The following PKNOX2 variants were observed in gnomAD, a reference collection of about 807,000 sequenced individuals.
PKNOX2 encodes homeobox protein PKNOX2.
A neutral mutation model predicts 53.1 loss-of-function variants in PKNOX2; 14 were observed. The ratio of observed to expected loss-of-function variants is 0.26; its 90% CI spans 0.17 to 0.41. The LOEUF is 0.41. Ranked by LOEUF, PKNOX2 falls within the 10% of genes least tolerant of loss-of-function variation. The probability of loss-of-function intolerance (pLI) is 1.00; values close to 1 mark genes in which losing one functional copy is unlikely to be tolerated. For missense variants in PKNOX2, 496 were observed against 602.8 expected (o/e 0.82, Z 1.85); for synonymous variants, 257 against 242.8 (o/e 1.06, Z -0.54).
chr11:125,326,254 C>T lies in PKNOX2; in HGVS notation c.-129-5565C>T, dbSNP rs553120076. Among the ~76,000 whole-genome samples the T allele has an allele frequency of 5.3e-5, 8 of 152,302 alleles. No homozygotes were observed. The East Asian group carries it at 9.6e-4, about 18-fold the overall frequency. The stretch of plus-strand genomic sequence containing the variant: ...AGGAGGGCAAGAGGCTGAGTTCATT[C>T]GGCTGCAGAAAGGCAGGACTTGAGC... On this transcript the variant is annotated intron_variant, in intron 2 of 12. Transcript: ENST00000298282.
At chr11:125,254,494 C>T (rs929701717) in intron 2 of PKNOX2, among the ~76,000 whole-genome samples, 1 of 152,238 alleles carries the variant, frequency 6.6e-6, no homozygotes, top group East Asian at 1.9e-4. Context: ...CACTAAATGG[C>T]TGTGTGACCT....
chr11:125,254,836 T>C (rs1443290532), intron 2 of PKNOX2, among the ~76,000 whole-genome samples: 1 of 152,096 alleles, frequency 6.6e-6, no homozygotes, highest in Non-Finnish European at 1.5e-5. Flanking sequence ...CCCAAGGGGC[T>C]CTTGGAAACA....
chr11:125,167,872 T>C (rs755792027), intron 1 of PKNOX2, among the ~76,000 whole-genome samples: 26 of 152,150 alleles, frequency 1.7e-4, no homozygotes, highest in Non-Finnish European at 3.4e-4. Context: ...CATGTGACAA[T>C]GAGAATTAAT....
chr11:125,262,348 C>T (rs1016095326), intron 2 of PKNOX2, among the ~76,000 whole-genome samples: 2 of 152,082 alleles, frequency 1.3e-5, no homozygotes, highest in Admixed American at 1.3e-4. Flanking sequence ...GGCAGCCACG[C>T]GTGAGGATGG....
Position 125,378,416 on chromosome 11 carries a change from T to G in PKNOX2, c.228-7135T>G, listed in dbSNP as rs528548115. On this transcript the variant is annotated intron_variant, in intron 5 of 12. Transcript: ENST00000298282. ...CTTGTTCTCCCATGCCTTCCACCTC[T>G]GGATCATCCATCCTTGGCCCAACAG... 1.1e-3 allele frequency among the ~76,000 whole-genome samples: 174 copies of G among 152,328 alleles called. 1 individual carries two copies. Among genetic ancestry groups the G allele is most frequent in the African/African-American group, 4.0e-3 (166 of 41,578 alleles).
rs181637661 is a variant in PKNOX2, at chr11:125,252,889, C to A, written c.-130+17774C>A. Among the ~76,000 whole-genome samples the A allele has an allele frequency of 5.6e-4, 85 of 152,276 alleles. 2 individuals carry two copies. Among genetic ancestry groups the A allele is most frequent in the African/African-American group, 2.0e-3 (84 of 41,568 alleles). The stretch of plus-strand genomic sequence containing the variant: ...GCATCTGTCGAGTTCTTAAAAGCAC[C>A]TGGATGCTGTGAGCTGTCAGCTGAG... On this transcript the variant is annotated intron_variant, in intron 2 of 12. Transcript: ENST00000298282.
At chr11:125,377,227 G>A (rs1565510542) in intron 5 of PKNOX2, among the ~76,000 whole-genome samples, 1 of 152,222 alleles carries the variant, frequency 6.6e-6, no homozygotes, top group East Asian at 1.9e-4. Context: ...AGAGGACACT[G>A]AGGCTCCAAA....
intron 1 of PKNOX2, among the ~76,000 whole-genome samples, chr11:125,184,754 G>C (rs143789220): frequency 9.2e-5 from 14 of 152,126 alleles, no homozygotes; most frequent in Non-Finnish European, 1.5e-4. Context: ...GCCTTGTGTC[G>C]GAGGCTGGCT....
intron 6 of PKNOX2, among the ~76,000 whole-genome samples, chr11:125,389,842 A>G (rs2135407714): frequency 6.6e-6 from 1 of 152,200 alleles, no homozygotes; most frequent in Middle Eastern, 3.4e-3. Context: ...TTTTAATGAG[A>G]CTCTGGTGTG....
At chr11:125,278,674 G>A (rs1176068564) in intron 2 of PKNOX2, among the ~76,000 whole-genome samples, 1 of 152,172 alleles carries the variant, frequency 6.6e-6, no homozygotes, top group Non-Finnish European at 1.5e-5. Flanking sequence ...AGTGAATATC[G>A]GGGTGGTGGA....
chr11:125,282,550 G>A (rs1045323792), intron 2 of PKNOX2, among the ~76,000 whole-genome samples: 4 of 152,136 alleles, frequency 2.6e-5, no homozygotes, highest in African/African-American at 7.2e-5. Flanking sequence ...TTTGCATTTC[G>A]AACACGTTCC....
At chr11:125,170,928 A>G (rs1183408052) in intron 1 of PKNOX2, among the ~76,000 whole-genome samples, 3 of 144,900 alleles carry the variant, frequency 2.1e-5, no homozygotes, top group African/African-American at 7.8e-5. Context: ...GGCCAATTTG[A>G]GTACGGCTCA....
chr11:125,367,192 T>G (rs1031810707), intron 4 of PKNOX2, among the ~76,000 whole-genome samples: 19 of 152,270 alleles, frequency 1.2e-4, no homozygotes, highest in African/African-American at 4.6e-4. Context: ...GGAGTTGCTC[T>G]GGTTGGTACA....
At chr11:125,255,287 C>T (rs1205628409) in intron 2 of PKNOX2, among the ~76,000 whole-genome samples, 2 of 152,176 alleles carry the variant, frequency 1.3e-5, no homozygotes, top group Admixed American at 1.3e-4. Flanking sequence ...CATCTCCAGA[C>T]CCCAGGAGCA....
At chr11:125,391,023 T>C (rs1954019387) in intron 6 of PKNOX2, among the ~76,000 whole-genome samples, 1 of 152,242 alleles carries the variant, frequency 6.6e-6, no homozygotes. Flanking sequence ...GCAGGCACAG[T>C]GACCCACAGG....
At chr11:125,373,060 C>T (rs758142031) in intron 5 of PKNOX2, among the ~76,000 whole-genome samples, 29 of 152,190 alleles carry the variant, frequency 1.9e-4, no homozygotes, top group Non-Finnish European at 3.2e-4. Flanking sequence ...CGGAAGTTCC[C>T]GGCATGATCC....
chr11:125,418,564 G>A (rs1956011010), intron 10 of PKNOX2, among the ~76,000 whole-genome samples: 1 of 152,040 alleles, frequency 6.6e-6, no homozygotes, highest in Admixed American at 6.5e-5. Flanking sequence ...ACTGCACAGA[G>A]CTCCTGGCCA....
chr11:125,344,060 G>A (rs1025101492), intron 3 of PKNOX2, among the ~76,000 whole-genome samples: 4 of 152,100 alleles, frequency 2.6e-5, no homozygotes, highest in African/African-American at 9.7e-5. Flanking sequence ...CAGTGCTGGG[G>A]CCTGTCCCCA....
chr11:125,390,263 G>A (rs573016541), intron 6 of PKNOX2, among the ~76,000 whole-genome samples: 2 of 152,202 alleles, frequency 1.3e-5, no homozygotes, highest in Admixed American at 6.5e-5. Context: ...CCCATTTTAA[G>A]AGGAGGCAAT....
Sources: allele counts gnomAD v4.1 joint callset (sites outside exome capture counted in the v4.1 genomes callset), GRCh38; gene constraint gnomAD v4.1.1; transcripts MANE v1.5; gene names NCBI Gene and HGNC (gene_info 2026-07-23, HGNC 2026-07-21).